Variants in SON observed in about 807,000 individuals in gnomAD.
The protein encoded by SON is SON DNA and RNA binding protein.
In SON, 4 loss-of-function variants were observed where a neutral mutation model predicts 173.3. The ratio of observed to expected loss-of-function variants is 0.02; its 90% CI spans 0.01 to 0.05. The LOEUF is 0.05. Ranked by LOEUF, SON falls within the 10% of genes least tolerant of loss-of-function variation. The pLI, the probability that SON is intolerant of heterozygous loss-of-function variation, is 1.00. For missense variants in SON, 2,626 were observed against 3,055.3 expected (o/e 0.86, Z 3.31); for synonymous variants, 1,190 against 1,105.9 (o/e 1.08, Z -1.51).
intron 2 of SON, among the ~76,000 whole-genome samples, chr21:33,549,170 C>T (rs1338559423): frequency 3.7e-5 from 2 of 53,990 alleles, no homozygotes; most frequent in Non-Finnish European, 6.5e-5. Flanking sequence ...CCTCGACCTA[C>T]TGGGTTCAAG....
At chr21:33,547,737 C>T (rs1219421696) in intron 2 of SON, among the ~76,000 whole-genome samples, 4 of 86,236 alleles carry the variant, frequency 4.6e-5, no homozygotes, top group East Asian at 5.2e-4. Flanking sequence ...TTTTTTGAGA[C>T]GGAGTCTCGC....
chr21:33,570,607 G>C (rs1172892358), intron 8 of SON, among the ~76,000 whole-genome samples: 2 of 152,090 alleles, frequency 1.3e-5, no homozygotes, highest in Non-Finnish European at 2.9e-5. Flanking sequence ...CTATATTATA[G>C]TTACTATGAA....
At chr21:33,571,161 C>T (rs1043116993) in intron 8 of SON, among the ~76,000 whole-genome samples, 1 of 151,942 alleles carries the variant, frequency 6.6e-6, no homozygotes, top group African/African-American at 2.4e-5. Flanking sequence ...AAAAGTAGCA[C>T]TTAAAGGAAA....
At chr21:33,570,858 T>G (rs1279135139) in intron 8 of SON, among the ~76,000 whole-genome samples, 1 of 152,196 alleles carries the variant, frequency 6.6e-6, no homozygotes, top group Non-Finnish European at 1.5e-5. Flanking sequence ...TTGGTCTTTA[T>G]CTAATGATGT....
rs2086423642 is a variant in SON, at chr21:33,577,303, T to C, written c.*879T>C. 1 of 152,638 alleles carries C rather than the reference T, an allele frequency of 6.6e-6. No individual in the cohort carries two copies. Among genetic ancestry groups the C allele is most frequent in the Non-Finnish European group, 1.5e-5 (1 of 68,044 alleles). 9.5% of individuals were successfully genotyped at this position (152,638 alleles called of 1,614,324 possible). Reference sequence around the variant, plus strand: ...GATAATTAAAATGCTGTAACCAACTTATCTAATAAAATTGGCAACCAGCCA... The same window carrying C: ...GATAATTAAAATGCTGTAACCAACTCATCTAATAAAATTGGCAACCAGCCA... On this transcript the variant is annotated 3_prime_UTR_variant, in exon 12 of 12. Coordinates refer to ENST00000356577, the MANE Select transcript of SON (RefSeq NM_138927.4).
rs1181446136 is a variant in SON at position 33,546,199 on chromosome 21, CTT to C, written c.78-11_78-10del. The C allele has an allele frequency of 1.3e-6, 2 of 1,583,266 alleles. No individual in the cohort carries two copies. The highest frequency in any genetic ancestry group is 1.7e-6 in the Non-Finnish European group (2 of 1,169,318). Reference sequence around the variant, plus strand: ...ATAAAATATTAATGAATTTCGATAACTTTTCATGTCAAGTGGAAGGAATGAAG... The same window carrying C: ...ATAAAATATTAATGAATTTCGATAACTTCATGTCAAGTGGAAGGAATGAAG... On this transcript the variant is annotated splice_polypyrimidine_tract_variant and intron_variant, in intron 1 of 11. Coordinates refer to ENST00000356577, the MANE Select transcript of SON (RefSeq NM_138927.4).
Position 33,559,044 on chromosome 21 carries a change from G to T in SON, c.6322-186G>T. On this transcript the variant is annotated intron_variant, in intron 4 of 11. Transcript: ENST00000356577. The surrounding 1 kb of genome is among the most constrained non-coding windows in gnomAD (Gnocchi z 4.1). ...TGCACATAGTAGGTGCTCAATAAAT[G>T]TTGTTGACTGACTGACCAGCCAGAG... 6 of 327,718 alleles carry T rather than the reference G, an allele frequency of 1.8e-5. No homozygotes were observed. The highest frequency in any genetic ancestry group is 1.1e-4 in the Admixed American group (2 of 19,024). 20.3% of individuals were successfully genotyped at this position (327,718 alleles called of 1,614,324 possible). A position where few individuals can be genotyped will look rare whatever the true frequency, so the allele number is the denominator to read the frequency against.
At chr21:33,569,285 G>C (rs2086234327) in intron 8 of SON, 198 bp downstream of exon 8, 1 of 530,278 alleles carries the variant, frequency 1.9e-6, no homozygotes. Flanking sequence ...TGTGGCTCAA[G>C]AGCCACTAAC....
intron 1 of SON, among the ~76,000 whole-genome samples, chr21:33,544,792 A>T (rs2085575964): frequency 6.6e-6 from 1 of 152,246 alleles, no homozygotes; most frequent in African/African-American, 2.4e-5. Flanking sequence ...TTGTAGATTA[A>T]CTTTTAAAAC....
At chr21:33,570,601 ATTATAG>A (rs1460988308) in intron 8 of SON, among the ~76,000 whole-genome samples, 1 of 152,198 alleles carries the variant, frequency 6.6e-6, no homozygotes, top group Non-Finnish European at 1.5e-5. Context: ...GGACTTCTAT[ATTATAG>A]TTACTATGAA....
chr21:33,546,645 G>A (rs1291530945), intron 2 of SON: 1 of 229,968 alleles, frequency 4.3e-6, no homozygotes, highest in Non-Finnish European at 8.5e-6. Flanking sequence ...GCCGGGTGTG[G>A]TGGTGGGTGC....
At position 33,559,608 on chromosome 21, in the gene SON, C is replaced by T; in HGVS notation, c.6490C>T (p.Pro2164Ser). 6.2e-7 allele frequency: 1 copy of T among 1,610,394 alleles called. No individual in the cohort carries two copies. Among genetic ancestry groups the T allele is most frequent in the Non-Finnish European group, 8.5e-7 (1 of 1,178,986 alleles). The change falls in exon 6 of 12, where the codon CCA becomes TCA. Residue 2164 changes from proline to serine, a missense_variant. Coordinates refer to ENST00000356577, the MANE Select transcript of SON (RefSeq NM_138927.4). This position sits in a 1 kb window ranked among gnomAD's most constrained non-coding sequence, Gnocchi z 4.1. ...TTAGATTGCTGCAGCAAAACCAACT[C>T]CACCAAAAAGCCAGGTAACATTAAC... ...NLNIAAAKPT[P>S]PKSQVTLTKE...
rs529525396 is a variant in SON at position 33,554,545 on chromosome 21, G to T, written c.5314G>T (p.Val1772Leu). Residue 1772 changes from valine (V) to leucine (L), a missense_variant, in exon 3 of 12, where the codon GTA becomes TTA. Physicochemically the swap from Val to Leu is conservative, Grantham distance 32. Transcript: ENST00000356577. ...TGACAGATCTGCTGCCAGCCCGGTT[G>T]TAAGTAGTATGCCAGAAAGAGCTTC... is the stretch of plus-strand genomic sequence containing the variant. ...GRDRSAASPV[V>L]SSMPERASES... 2 of 1,613,844 alleles carry T rather than the reference G, an allele frequency of 1.2e-6. No individual in the cohort carries two copies. The highest frequency in any genetic ancestry group is 2.2e-5 in the South Asian group (2 of 91,082).
At position 33,553,914 on chromosome 21, in the gene SON, T is replaced by C. The variant is rs781282484; in HGVS notation, c.4683T>C (p.Ile1561=). Residue 1561 remains isoleucine (I), a synonymous_variant, in exon 3 of 12, where the codon ATT becomes ATC. Coordinates refer to ENST00000356577, the MANE Select transcript of SON (RefSeq NM_138927.4). ...CTGGTACTAGTCCTGTTGGGGAAATTGGTGAAGAGAAAATTTTGCCCACCA... is the reference window on the plus strand; with the variant it reads ...CTGGTACTAGTCCTGTTGGGGAAATCGGTGAAGAGAAAATTTTGCCCACCA... ...CAAGTSPVGE[I]GEEKILPTSE... is the part of the protein sequence containing the mutation. 2.5e-6 allele frequency: 4 copies of C among 1,613,944 alleles called. No individual in the cohort carries two copies. Among genetic ancestry groups the C allele is most frequent in the East Asian group, 2.2e-5 (1 of 44,880 alleles).
In SON at chr21:33,552,746, C is replaced by T; in HGVS notation, c.3515C>T (p.Pro1172Leu). ...PEEPPMTPPL[P>L]PEEPPEGPAL... is the part of the protein sequence containing the mutation. The stretch of plus-strand genomic sequence containing the variant: ...GAGCCACCAATGACACCACCATTGC[C>T]TCCTGAGGAACCACCAGAGGGTCCA... Residue 1172 changes from proline (P) to leucine (L), a missense_variant, in exon 3 of 12, where the codon CCT becomes CTT. Pro to Leu is a moderately conservative substitution (Grantham distance 98). Around this residue, in one of 13 missense-constraint regions of SON, gnomAD observed 366 missense variants for 448.6 expected, o/e 0.82. Coordinates refer to ENST00000356577, the MANE Select transcript of SON (RefSeq NM_138927.4). The surrounding 1 kb of genome is among the most constrained non-coding windows in gnomAD (Gnocchi z 5.6). The T allele has an allele frequency of 6.2e-7, 1 of 1,613,956 alleles. No homozygotes were observed. Among genetic ancestry groups the T allele is most frequent in the Non-Finnish European group, 8.5e-7 (1 of 1,180,026 alleles).
rs1386574756 is a variant in SON at position 33,543,063 on chromosome 21, A to G, written c.-30A>G. 3 of 1,608,948 alleles carry G rather than the reference A, an allele frequency of 1.9e-6. No homozygotes were observed. Among genetic ancestry groups the G allele is most frequent in the Non-Finnish European group, 2.6e-6 (3 of 1,175,226 alleles). ...ATGCTGGGAGCCTGGAGGACTAGCG[A>G]GGAGGAGTTGAGAGAACGGAGCGGA... On this transcript the variant is annotated 5_prime_UTR_variant, in exon 1 of 12. Transcript: ENST00000356577.
chr21:33,544,197 G>C (rs1282527323), intron 1 of SON, among the ~76,000 whole-genome samples: 1 of 152,226 alleles, frequency 6.6e-6, no homozygotes, highest in Non-Finnish European at 1.5e-5. Context: ...AGTGCCCAAA[G>C]TAATACAGGA....
At chr21:33,556,467 C>T (rs2085967923) in intron 3 of SON, among the ~76,000 whole-genome samples, 2 of 151,922 alleles carry the variant, frequency 1.3e-5, no homozygotes, top group South Asian at 4.2e-4. Context: ...AATCCCAGCA[C>T]TTTGGGAGGC....
intron 6 of SON, 57 bp from the exon 7 acceptor site, chr21:33,567,100 T>C (rs2086190154): frequency 1.0e-6 from 1 of 989,614 alleles, no homozygotes; most frequent in African/African-American, 1.6e-5. Context: ...ATGAGTACTT[T>C]TCAGAATTTA....
Sources: gnomAD v4.1 joint callset for allele counts (sites outside exome capture counted in the v4.1 genomes callset) on GRCh38, gnomAD v4.1.1 for gene constraint, gnomAD v4.1.1 regional missense constraint, Gnocchi (gnomAD v3.1) non-coding constraint, MANE v1.5 for transcripts, NCBI Gene and HGNC (gene_info 2026-07-23, HGNC 2026-07-21) for gene names.